DHX40: variants seen among roughly 807,000 people sequenced by gnomAD.
DHX40 encodes DEAH-box helicase 40, also known as probable ATP-dependent RNA helicase DHX40.
A neutral mutation model predicts 89.6 loss-of-function variants in DHX40; 28 were observed. The ratio of observed to expected loss-of-function variants is 0.31; its 90% CI spans 0.23 to 0.43. The LOEUF is 0.43. Among genes scored for constraint, DHX40 ranks in the 20% least tolerant of loss-of-function variants. The probability of loss-of-function intolerance (pLI) is 1.00; values close to 1 mark genes in which losing one functional copy is unlikely to be tolerated. For synonymous variants in DHX40, 226 were observed against 283.6 expected, an observed-to-expected ratio of 0.80 and a Z score of 2.04; for missense variants, 457 against 844.0, an observed-to-expected ratio of 0.54 and a Z score of 5.68.
At chr17:59,576,546 A>G (rs919789548) in intron 7 of DHX40, among the ~76,000 whole-genome samples, 19 of 152,274 alleles carry the variant, frequency 1.2e-4, no homozygotes, top group African/African-American at 4.3e-4. Context: ...TAAAGAACAT[A>G]GATGTGCTAT....
chr17:59,576,065 T>A (rs1260726404), intron 7 of DHX40, among the ~76,000 whole-genome samples: 4 of 126,578 alleles, frequency 3.2e-5, no homozygotes, highest in African/African-American at 1.4e-4. Context: ...AAGTTTTGTA[T>A]TTTTTTTTTT....
intron 2 of DHX40, among the ~76,000 whole-genome samples, 181 bp downstream of exon 2, chr17:59,566,975 A>C (rs2048714476): frequency 1.3e-5 from 2 of 152,162 alleles, no homozygotes. Flanking sequence ...TTCAAGAATT[A>C]GTTGGGATGG....
chr17:59,581,686 G>A (rs1322847224), intron 10 of DHX40, among the ~76,000 whole-genome samples: 1 of 76,848 alleles, frequency 1.3e-5, no homozygotes, highest in African/African-American at 7.5e-5. Context: ...TTGAACCCGG[G>A]AGGCAGAGGT....
At chr17:59,566,546 C>T (rs2048707863) in intron 1 of DHX40, 81 bp from the exon 2 acceptor site, 10 of 1,368,780 alleles carry the variant, frequency 7.3e-6, no homozygotes, top group African/African-American at 3.0e-5. Context: ...ATTCTATTGC[C>T]TTTCTGGTTT....
At chr17:59,585,647 TG>T (rs983238741) in intron 10 of DHX40, among the ~76,000 whole-genome samples, 1 of 150,378 alleles carries the variant, frequency 6.6e-6, no homozygotes, top group Non-Finnish European at 1.5e-5. Context: ...TGCTTGAACC[TG>T]GGAGATGGAG....
chr17:59,597,658 C>T (rs1350542112), intron 12 of DHX40, among the ~76,000 whole-genome samples: 4 of 151,552 alleles, frequency 2.6e-5, no homozygotes, highest in Admixed American at 6.6e-5. Context: ...GGGCTTGGGC[C>T]GGGCACGGTG....
chr17:59,606,785 G>A (rs2030886121), intron 17 of DHX40, among the ~76,000 whole-genome samples: 1 of 151,852 alleles, frequency 6.6e-6, no homozygotes, highest in South Asian at 2.1e-4. Flanking sequence ...TAGCCACTAG[G>A]TGTTCTATTA....
intron 2 of DHX40, among the ~76,000 whole-genome samples, chr17:59,569,182 G>T (rs1470370718): frequency 6.6e-6 from 1 of 152,084 alleles, no homozygotes; most frequent in Non-Finnish European, 1.5e-5. Flanking sequence ...TACAAAATTA[G>T]CTGGGTGTGG....
intron 11 of DHX40, among the ~76,000 whole-genome samples, chr17:59,586,490 G>A (rs1299373855): frequency 1.3e-5 from 2 of 151,486 alleles, no homozygotes; most frequent in Non-Finnish European, 2.9e-5. Context: ...GTGAAGCCCC[G>A]TCTCTACTAA....
At chr17:59,601,910 A>G (rs1437080199) in intron 14 of DHX40, among the ~76,000 whole-genome samples, 1 of 152,192 alleles carries the variant, frequency 6.6e-6, no homozygotes, top group African/African-American at 2.4e-5. Context: ...CTAACATCAC[A>G]TGAATTACTG....
intron 10 of DHX40, among the ~76,000 whole-genome samples, chr17:59,585,287 C>G (rs917658832): frequency 8.2e-6 from 1 of 121,786 alleles, no homozygotes; most frequent in Non-Finnish European, 1.7e-5. Flanking sequence ...GTAATCCCAG[C>G]TACTCAGCAG....
chr17:59,576,730 A>C (rs1321607061), intron 7 of DHX40, among the ~76,000 whole-genome samples: 1 of 152,178 alleles, frequency 6.6e-6, no homozygotes, highest in Non-Finnish European at 1.5e-5. Context: ...AAACTGATAA[A>C]AACCCATTAT....
intron 8 of DHX40, 80 bp from the exon 9 acceptor site, chr17:59,579,392 A>G (rs2048924524): frequency 1.3e-6 from 1 of 760,888 alleles, no homozygotes; most frequent in African/African-American, 7.8e-5. Context: ...GTTTGCTAGA[A>G]AAGGAGAAAC....
chr17:59,568,824 T>C (rs1029637058), intron 2 of DHX40, among the ~76,000 whole-genome samples: 3 of 144,854 alleles, frequency 2.1e-5, no homozygotes, highest in Non-Finnish European at 4.5e-5. Context: ...ATTAAAATGG[T>C]ATATGGAAGG....
rs1454505954 is a variant in DHX40 at position 59,573,746 on chromosome 17, T to C, written c.553T>C (p.Leu185=). ...AHERTLTTDI[L]FGLLKKLFQE... is the part of the protein sequence containing the mutation. ...AAATTTACTTTTCTTTCAGGATATC[T>C]TATTTGGTTTATTGAAGAAGCTATT... Residue 185 remains leucine (L), a synonymous_variant, in exon 5 of 18, where the codon TTA becomes CTA. Transcript: ENST00000251241. The C allele has an allele frequency of 6.2e-7, 1 of 1,613,900 alleles. No individual in the cohort carries two copies. Among genetic ancestry groups the C allele is most frequent in the African/African-American group, 1.3e-5 (1 of 74,932 alleles).
chr17:59,581,985 G>T (rs1292175756), intron 10 of DHX40, among the ~76,000 whole-genome samples: 1 of 110,438 alleles, frequency 9.1e-6, no homozygotes, highest in Non-Finnish European at 1.7e-5. Flanking sequence ...GAAGGAAAGC[G>T]CCATTTAAAG....
chr17:59,589,720 TTTG>T (rs1029293636), intron 12 of DHX40, among the ~76,000 whole-genome samples: 11 of 134,386 alleles, frequency 8.2e-5, no homozygotes, highest in East Asian at 4.3e-4. Flanking sequence ...ATAAACAAGT[TTTG>T]TTGTTGTTGT....
At position 59,573,346 on chromosome 17, in the gene DHX40, T is replaced by C; in HGVS notation, c.546+111T>C. 7.5e-6 allele frequency: 7 copies of C among 931,486 alleles called. No individual in the cohort carries two copies. In the South Asian group the frequency reaches 1.4e-4, roughly 19 times the overall value. 57.7% of individuals were successfully genotyped at this position (931,486 alleles called of 1,614,324 possible). Reference sequence around the variant, plus strand: ...TACTTTTTAATTTAATTTAATTTTTTAGAGATGGAGTCTTGCTCCATCACC... The same window carrying C: ...TACTTTTTAATTTAATTTAATTTTTCAGAGATGGAGTCTTGCTCCATCACC... On this transcript the variant is annotated intron_variant, in intron 4 of 17. Transcript: ENST00000251241.
chr17:59,600,533 T>A (rs2143351699), intron 14 of DHX40, among the ~76,000 whole-genome samples: 1 of 152,292 alleles, frequency 6.6e-6, no homozygotes, highest in Non-Finnish European at 1.5e-5. Context: ...ATATCTTATT[T>A]TGGTAAAATA....
Sources: allele counts gnomAD v4.1 joint callset (sites outside exome capture counted in the v4.1 genomes callset), GRCh38; gene constraint gnomAD v4.1.1; transcripts MANE v1.5; gene names NCBI Gene and HGNC (gene_info 2026-07-23, HGNC 2026-07-21).